Variants in CLCN5 observed in about 807,000 individuals in gnomAD.
CLCN5 encodes the protein H(+)/Cl(-) exchange transporter 5.
CLCN5 carries 17 observed loss-of-function variants against 54.0 expected under a neutral mutation model. The ratio of observed to expected loss-of-function variants is 0.31; its 90% CI spans 0.22 to 0.47. CLCN5 has a LOEUF of 0.47. Among genes scored for constraint, CLCN5 ranks in the 20% least tolerant of loss-of-function variants. The pLI, the probability that CLCN5 is intolerant of heterozygous loss-of-function variation, is 1.00. For missense variants in CLCN5, 448 were observed against 646.7 expected (o/e 0.69, Z 3.33); for synonymous variants, 222 against 233.0 (o/e 0.95, Z 0.43).
chrX:49,946,676 A>G (rs782165212), intron 3 of CLCN5, among the ~76,000 whole-genome samples: 1 of 111,053 alleles, frequency 9.0e-6, no homozygotes, highest in South Asian at 3.9e-4. Context: ...ACCTACTCAC[A>G]TGTCCCACTC....
chrX:49,955,393 GT>G (rs372145122), intron 3 of CLCN5, among the ~76,000 whole-genome samples: 7,007 of 100,910 alleles, frequency 0.069, 609 homozygotes, highest in African/African-American at 0.23. Flanking sequence ...GAGTTGGCAT[GT>G]TTTTTTTTTT....
intron 3 of CLCN5, among the ~76,000 whole-genome samples, chrX:49,936,598 T>C (rs781985840): frequency 8.9e-6 from 1 of 112,508 alleles, no homozygotes; most frequent in African/African-American, 3.2e-5. Flanking sequence ...AGTGTTTTGC[T>C]ATTTTTATGT....
chrX:50,088,890 T>C lies in CLCN5; in HGVS notation c.1744+6T>C. ...TGGGGCTGCAGCCTGCTTAGGTGAG[T>C]AGTGTTTGCATTAATTTCAAGTTGC... On this transcript the variant is annotated splice_donor_region_variant and intron_variant, in intron 12 of 14. Transcript: ENST00000376091. The C allele has an allele frequency of 1.7e-6, 2 of 1,205,291 alleles. No homozygotes were observed. The highest frequency in any genetic ancestry group is 2.2e-6 in the Non-Finnish European group (2 of 890,490).
chrX:49,965,488 A>G (rs782631520), intron 3 of CLCN5, among the ~76,000 whole-genome samples: 3 of 111,960 alleles, frequency 2.7e-5, no homozygotes, highest in South Asian at 3.7e-4. Context: ...ATATTTTGCA[A>G]TGTGCTAAAC....
At position 49,939,083 on chromosome X, in the gene CLCN5, A is replaced by G. The variant is rs1340385860; in HGVS notation, c.16+13769A>G. On this transcript the variant is annotated intron_variant, in intron 3 of 14. Coordinates refer to ENST00000376091, the MANE Select transcript of CLCN5 (RefSeq NM_001127898.4). ...CAGAGAAATGCAAATCAAAACCACAATGAGATACCACCTCACACCAGTTAG... is the reference window on the plus strand; with the variant it reads ...CAGAGAAATGCAAATCAAAACCACAGTGAGATACCACCTCACACCAGTTAG... Among the ~76,000 whole-genome samples, 3 of 111,437 alleles carry G rather than the reference A, an allele frequency of 2.7e-5. No individual in the cohort carries two copies. In the Admixed American group the frequency reaches 2.9e-4, roughly 11 times the overall value.
At position 50,012,188 on chromosome X, in the gene CLCN5, ACCC is replaced by A. The variant is rs782431019; in HGVS notation, c.17-30124_17-30122del. On this transcript the variant is annotated intron_variant, in intron 3 of 14. Transcript: ENST00000376091. The stretch of plus-strand genomic sequence containing the variant: ...GAGTCTTCCCATCATCCCCTCTCCA[ACCC>A]CCCAACAGTGCTCAGCTAGAGAACT... Among the ~76,000 whole-genome samples, 10 of 110,333 alleles carry A rather than the reference ACCC, an allele frequency of 9.1e-5. No individual in the cohort carries two copies. In the East Asian group the frequency reaches 2.9e-3, roughly 32 times the overall value.
Position 50,019,626 on chromosome X carries a change from C to A in CLCN5, c.17-22690C>A, listed in dbSNP as rs1477721034. On this transcript the variant is annotated intron_variant, in intron 3 of 14. Coordinates refer to ENST00000376091, the MANE Select transcript of CLCN5 (RefSeq NM_001127898.4). ...ATATCTCCCAATGCTATCCCTCCCCCCTCCCCCGACCCCACCACAGTCCCC... is the reference window on the plus strand; with the variant it reads ...ATATCTCCCAATGCTATCCCTCCCCACTCCCCCGACCCCACCACAGTCCCC... 4.7e-3 allele frequency among the ~76,000 whole-genome samples: 219 copies of A among 46,403 alleles called. 2 individuals carry two copies. The highest frequency in any genetic ancestry group is 0.019 in the African/African-American group (215 of 11,572). 40.3% of individuals were successfully genotyped at this position (46,403 alleles called of 115,157 possible).
intron 4 of CLCN5, among the ~76,000 whole-genome samples, chrX:50,046,375 C>A (rs1331968101): frequency 8.9e-6 from 1 of 112,148 alleles, no homozygotes; most frequent in African/African-American, 3.2e-5. Context: ...TTCCTCACCT[C>A]CCTGTCTTTC....
intron 3 of CLCN5, among the ~76,000 whole-genome samples, chrX:49,936,999 G>A (rs1926030940): frequency 9.0e-6 from 1 of 111,502 alleles, no homozygotes; most frequent in African/African-American, 3.3e-5. Flanking sequence ...AGGCTTAGGT[G>A]GAAAGATCAC....
intron 6 of CLCN5, among the ~76,000 whole-genome samples, chrX:50,074,171 T>C (rs1439753854): frequency 8.9e-6 from 1 of 112,274 alleles, no homozygotes; most frequent in African/African-American, 3.2e-5. Flanking sequence ...AGTAATTGCA[T>C]TACTTTTAAT....
chrX:50,052,525 G>A (rs1305830828), intron 4 of CLCN5, among the ~76,000 whole-genome samples: 3 of 111,215 alleles, frequency 2.7e-5, no homozygotes, highest in Non-Finnish European at 5.7e-5. Flanking sequence ...TCTCTGTTTG[G>A]TTTTCATATC....
At chrX:50,086,962 A>G in intron 11 of CLCN5, 92 bp downstream of exon 11, 1 of 848,328 alleles carries the variant, frequency 1.2e-6, no homozygotes, top group East Asian at 3.2e-5. Flanking sequence ...GATAGCTCAT[A>G]TGGTGCTTTC....
In CLCN5 at chrX:50,097,231, C is replaced by T. The variant is rs1235696535; in HGVS notation, c.*5012C>T. Reference sequence around the variant, plus strand: ...TAGCAACTTTAAGTTACTCCCCAAACGTTTGCTGGCCACATTCTCATTTCT... The same window carrying T: ...TAGCAACTTTAAGTTACTCCCCAAATGTTTGCTGGCCACATTCTCATTTCT... On this transcript the variant is annotated 3_prime_UTR_variant, in exon 15 of 15. Coordinates refer to ENST00000376091, the MANE Select transcript of CLCN5 (RefSeq NM_001127898.4). 8.9e-6 allele frequency: 1 copy of T among 112,062 alleles called. No homozygotes were observed. Among genetic ancestry groups the T allele is most frequent in the Non-Finnish European group, 1.9e-5 (1 of 53,274 alleles). The allele number at this position is 112,062 out of a possible 1,213,427, so 9.2% of individuals were successfully genotyped here.
At chrX:50,043,133 G>A (rs1402974429) in intron 4 of CLCN5, among the ~76,000 whole-genome samples, 2 of 112,003 alleles carry the variant, frequency 1.8e-5, no homozygotes, top group African/African-American at 6.5e-5. Flanking sequence ...TGAAGTATAT[G>A]TTGAAATCGT....
chrX:50,083,715 A>C (rs1933787983), intron 9 of CLCN5, among the ~76,000 whole-genome samples: 1 of 112,212 alleles, frequency 8.9e-6, no homozygotes, highest in South Asian at 3.7e-4. Flanking sequence ...AGAATCATAA[A>C]ACAAATGCAG....
At chrX:49,963,865 T>A (rs1412942269) in intron 3 of CLCN5, among the ~76,000 whole-genome samples, 2 of 112,504 alleles carry the variant, frequency 1.8e-5, no homozygotes, top group African/African-American at 6.5e-5. Context: ...TTCTGCTGTT[T>A]TTGAAGTAAA....
chrX:49,933,081 C>T (rs1376834959), intron 3 of CLCN5, among the ~76,000 whole-genome samples: 1 of 110,479 alleles, frequency 9.1e-6, no homozygotes, highest in African/African-American at 3.3e-5. Context: ...GCTTGTTGAC[C>T]GAAACAAAAG....
intron 7 of CLCN5, among the ~76,000 whole-genome samples, chrX:50,077,419 A>G (rs1298725828): frequency 9.2e-6 from 1 of 109,163 alleles, no homozygotes; most frequent in Non-Finnish European, 1.9e-5. Context: ...TTATATGTAA[A>G]TAATCATTTA....
At chrX:50,043,847 A>T (rs1557187498) in intron 4 of CLCN5, among the ~76,000 whole-genome samples, 1 of 111,958 alleles carries the variant, frequency 8.9e-6, no homozygotes. Flanking sequence ...TCACTTTAAG[A>T]TTACATTTGT....
Sources: allele counts gnomAD v4.1 joint callset (sites outside exome capture counted in the v4.1 genomes callset), GRCh38; gene constraint gnomAD v4.1.1; transcripts MANE v1.5; gene names NCBI Gene and HGNC (gene_info 2026-07-23, HGNC 2026-07-21).